Variants in MDGA2 observed in about 807,000 individuals in gnomAD.
MDGA2 encodes the protein MAM domain containing glycosylphosphatidylinositol anchor 2.
A neutral mutation model predicts 117.8 loss-of-function variants in MDGA2; 40 were observed. The observed-to-expected ratio is 0.34, with a 90% CI of 0.26 to 0.44. The LOEUF is 0.44. Among genes scored for constraint, MDGA2 ranks in the 20% least tolerant of loss-of-function variants. The pLI, the probability that MDGA2 is intolerant of heterozygous loss-of-function variation, is 1.00. For synonymous variants in MDGA2, 452 were observed against 439.0 expected (o/e 1.03, Z -0.37); for missense variants, 1,123 against 1,250.6 (o/e 0.90, Z 1.54).
intron 1 of MDGA2, among the ~76,000 whole-genome samples, chr14:47,544,785 G>A (rs931879182): frequency 6.6e-6 from 1 of 152,108 alleles, no homozygotes; most frequent in Non-Finnish European, 1.5e-5. Context: ...AAAGAAGACT[G>A]TCTAATGGGA....
intron 6 of MDGA2, among the ~76,000 whole-genome samples, chr14:47,073,890 CG>C (rs986728090): frequency 2.0e-5 from 3 of 152,122 alleles, no homozygotes; most frequent in Non-Finnish European, 2.9e-5. Context: ...TTCAAACATT[CG>C]CTTTCATTTC....
chr14:47,089,727 T>C (rs140946974), intron 6 of MDGA2, among the ~76,000 whole-genome samples: 2 of 152,214 alleles, frequency 1.3e-5, no homozygotes, highest in East Asian at 3.9e-4. Flanking sequence ...TGAGTTCATG[T>C]CCTTTGTAGG....
intron 2 of MDGA2, among the ~76,000 whole-genome samples, chr14:47,220,966 ACT>A (rs1886276075): frequency 6.6e-6 from 1 of 152,196 alleles, no homozygotes; most frequent in Non-Finnish European, 1.5e-5. Context: ...TTGAAATAAT[ACT>A]CTAACTCCCA....
intron 1 of MDGA2, among the ~76,000 whole-genome samples, chr14:47,629,655 G>T (rs1228047728): frequency 6.6e-6 from 1 of 152,182 alleles, no homozygotes; most frequent in Non-Finnish European, 1.5e-5. Context: ...TTATTTTGCA[G>T]CCGACTAGCT....
At chr14:47,400,056 A>G (rs1398536777) in intron 1 of MDGA2, among the ~76,000 whole-genome samples, 1 of 152,196 alleles carries the variant, frequency 6.6e-6, no homozygotes, top group Non-Finnish European at 1.5e-5. Flanking sequence ...TGTTCTGGTA[A>G]AAATAACCTT....
At chr14:47,164,238 A>G (rs1883767342) in intron 3 of MDGA2, among the ~76,000 whole-genome samples, 1 of 152,140 alleles carries the variant, frequency 6.6e-6, no homozygotes, top group South Asian at 2.1e-4. Flanking sequence ...GTGACAGGCT[A>G]TTTCTTATCC....
chr14:47,205,128 A>G (rs10148181), intron 3 of MDGA2, among the ~76,000 whole-genome samples: 35,489 of 151,718 alleles, frequency 0.23, 4,785 homozygotes, highest in East Asian at 0.35. Context: ...GTGTATATAT[A>G]TGTGCATATG....
intron 10 of MDGA2, among the ~76,000 whole-genome samples, chr14:46,914,196 G>A (rs958984883): frequency 4.7e-4 from 71 of 151,938 alleles, no homozygotes; most frequent in Non-Finnish European, 1.5e-4. Context: ...TAATTCCTTA[G>A]ATACCAAGGA....
chr14:46,982,121 T>C (rs1176079591), intron 8 of MDGA2, among the ~76,000 whole-genome samples: 1 of 152,152 alleles, frequency 6.6e-6, no homozygotes, highest in Non-Finnish European at 1.5e-5. Context: ...CATACAAGTG[T>C]TGTAACAAGA....
chr14:47,504,337 C>T (rs1269883703), intron 1 of MDGA2, among the ~76,000 whole-genome samples: 2 of 152,068 alleles, frequency 1.3e-5, no homozygotes, highest in East Asian at 3.9e-4. Flanking sequence ...GACTAGGAAC[C>T]TGCTATAGGT....
intron 1 of MDGA2, among the ~76,000 whole-genome samples, chr14:47,488,720 G>A (rs1270280987): frequency 6.6e-6 from 1 of 152,052 alleles, no homozygotes; most frequent in East Asian, 1.9e-4. Context: ...AATAAAAGCA[G>A]GCCATGTATG....
chr14:47,579,829 T>C (rs370442557), intron 1 of MDGA2, among the ~76,000 whole-genome samples: 2 of 152,220 alleles, frequency 1.3e-5, no homozygotes, highest in East Asian at 3.9e-4. Context: ...AAGGTAGTCC[T>C]TGCTACACAT....
chr14:47,023,198 T>A (rs35827043), intron 8 of MDGA2, among the ~76,000 whole-genome samples: 6,197 of 102,714 alleles, frequency 0.06, 210 homozygotes, highest in Non-Finnish European at 0.085. Flanking sequence ...TTCCCACTCG[T>A]AAAAAAAAAA....
At chr14:47,200,981 T>C (rs1885483686) in intron 3 of MDGA2, 19 of 831,160 alleles carry the variant, frequency 2.3e-5, no homozygotes, top group Admixed American at 1.0e-4. Flanking sequence ...CCAGAAATGT[T>C]GATGCCTTCG....
chr14:47,423,390 T>C (rs752971682), intron 1 of MDGA2, among the ~76,000 whole-genome samples: 1 of 152,210 alleles, frequency 6.6e-6, no homozygotes, highest in Non-Finnish European at 1.5e-5. Flanking sequence ...CTGATATCCA[T>C]CTACCAGATA....
intron 1 of MDGA2, among the ~76,000 whole-genome samples, chr14:47,605,855 C>T (rs1310329114): frequency 1.3e-5 from 2 of 152,020 alleles, no homozygotes; most frequent in Non-Finnish European, 2.9e-5. Flanking sequence ...AATTCCTTCC[C>T]CATCTCTCCT....
rs2138976955 is a variant in MDGA2, at chr14:47,096,941, T to C, written c.1108A>G (p.Thr370Ala). ...NGGTLTIPAITSDDAGTYSCI... is the reference protein window; with the variant it reads ...NGGTLTIPAIASDDAGTYSCI... ...CTGTAAGTACCAGCATCATCTGAGG[T>C]GATGGCAGGTATGGTCAAAGTTCCT... Residue 370 changes from threonine (T) to alanine (A), a missense_variant, in exon 6 of 17, where the codon ACC becomes GCC. By Grantham distance (58) the Thr-to-Ala change is moderately conservative. Transcript: ENST00000399232. The C allele has an allele frequency of 6.2e-7, 1 of 1,613,358 alleles. No individual in the cohort carries two copies. Among genetic ancestry groups the C allele is most frequent in the Middle Eastern group, 1.7e-4 (1 of 6,060 alleles).
intron 8 of MDGA2, among the ~76,000 whole-genome samples, chr14:46,980,477 T>TTTA (rs759711563): frequency 6.6e-6 from 1 of 152,180 alleles, no homozygotes; most frequent in Non-Finnish European, 1.5e-5. Flanking sequence ...ATTTAGAACA[T>TTTA]TACATAATGT....
intron 1 of MDGA2, among the ~76,000 whole-genome samples, chr14:47,584,250 C>T (rs1347129841): frequency 6.6e-6 from 1 of 151,728 alleles, no homozygotes; most frequent in African/African-American, 2.4e-5. Flanking sequence ...AAATGTGAAT[C>T]AAATGTGTTC....
Sources: gnomAD v4.1 joint callset for allele counts (sites outside exome capture counted in the v4.1 genomes callset) on GRCh38, gnomAD v4.1.1 for gene constraint, MANE v1.5 for transcripts, NCBI Gene and HGNC (gene_info 2026-07-23, HGNC 2026-07-21) for gene names.